WDR41: variants seen among roughly 807,000 people sequenced by gnomAD.
WDR41 encodes the protein WD repeat domain 41, also known as WD repeat-containing protein 41.
A neutral mutation model predicts 69.3 loss-of-function variants in WDR41; 63 were observed. The observed-to-expected ratio is 0.91, with a 90% CI of 0.74 to 1.12. The LOEUF is 1.12. Ranked by LOEUF, WDR41 falls within the 50% of genes most tolerant of loss-of-function variation. The pLI, the probability that WDR41 is intolerant of heterozygous loss-of-function variation, is 0.00. For missense variants in WDR41, 543 were observed against 534.5 expected (o/e 1.02, Z -0.16); for synonymous variants, 185 against 192.1 (o/e 0.96, Z 0.31).
intron 1 of WDR41, among the ~76,000 whole-genome samples, chr5:77,498,049 A>G (rs1801960447): frequency 1.3e-5 from 2 of 152,236 alleles, no homozygotes; most frequent in African/African-American, 2.4e-5. Flanking sequence ...AGGTAAATTC[A>G]TAGAGACAGA....
intron 1 of WDR41, chr5:77,582,954 G>T (rs928052282): frequency 6.2e-7 from 1 of 1,608,558 alleles, no homozygotes; most frequent in African/African-American, 1.3e-5. Flanking sequence ...TGATTCATGA[G>T]ATCTATACTG....
intron 1 of WDR41, among the ~76,000 whole-genome samples, chr5:77,516,648 T>C (rs1462517004): frequency 6.6e-6 from 1 of 152,110 alleles, no homozygotes; most frequent in Non-Finnish European, 1.5e-5. Context: ...CCCAAGACAA[T>C]AGCACCTATG....
At chr5:77,549,408 T>C (rs1743257126) in intron 1 of WDR41, among the ~76,000 whole-genome samples, 1 of 151,888 alleles carries the variant, frequency 6.6e-6, no homozygotes, top group Non-Finnish European at 1.5e-5. Context: ...TCCGGGAAAG[T>C]TTCAGGACAC....
intron 1 of WDR41, among the ~76,000 whole-genome samples, chr5:77,547,465 A>G (rs1434878813): frequency 1.3e-5 from 2 of 151,998 alleles, no homozygotes; most frequent in Non-Finnish European, 2.9e-5. Context: ...TAGCTCTTCT[A>G]TACACCAACG....
chr5:77,518,272 T>A (rs1218985062), intron 1 of WDR41, among the ~76,000 whole-genome samples: 1 of 152,160 alleles, frequency 6.6e-6, no homozygotes, highest in Non-Finnish European at 1.5e-5. Context: ...GTAGACATCT[T>A]ATGGTGTACC....
At chr5:77,442,084 C>T (rs905835244) in intron 8 of WDR41, among the ~76,000 whole-genome samples, 7 of 152,106 alleles carry the variant, frequency 4.6e-5, no homozygotes, top group Admixed American at 3.9e-4. Flanking sequence ...TCCTGTATTG[C>T]CTAATGCCCT....
At chr5:77,547,003 C>T (rs1446642114) in intron 1 of WDR41, among the ~76,000 whole-genome samples, 1 of 152,088 alleles carries the variant, frequency 6.6e-6, no homozygotes, top group African/African-American at 2.4e-5. Context: ...ATCACATAAA[C>T]AGAATTAAAA....
intron 1 of WDR41, among the ~76,000 whole-genome samples, chr5:77,535,092 T>C (rs1742949851): frequency 6.6e-6 from 1 of 152,188 alleles, no homozygotes; most frequent in Non-Finnish European, 1.5e-5. Flanking sequence ...TCATGGTTAA[T>C]TTTAGCTGGA....
At chr5:77,438,434 C>A (rs1402603930) in intron 9 of WDR41, 73 bp from the exon 10 acceptor site, 1 of 1,569,910 alleles carries the variant, frequency 6.4e-7, no homozygotes, top group Non-Finnish European at 8.7e-7. Flanking sequence ...TTCCAGCCCT[C>A]ATGTGACATC....
chr5:77,615,881 T>C (rs1744671888), intron 1 of WDR41, among the ~76,000 whole-genome samples: 2 of 151,846 alleles, frequency 1.3e-5, no homozygotes, highest in Admixed American at 1.3e-4. Context: ...TAATCCCAGA[T>C]ACTCGGGAGG....
chr5:77,452,997 A>T (rs1350474847), intron 6 of WDR41: 1 of 152,224 alleles, frequency 6.6e-6, no homozygotes, highest in Non-Finnish European at 1.5e-5. Flanking sequence ...AGATTTGAGC[A>T]AGACTATTAG....
chr5:77,470,847 C>T (rs1267928513), intron 2 of WDR41, among the ~76,000 whole-genome samples: 1 of 139,720 alleles, frequency 7.2e-6, no homozygotes, highest in Non-Finnish European at 1.5e-5. Flanking sequence ...TAACACCCTA[C>T]TGTCAACATT....
At chr5:77,602,065 T>A (rs573483019) in intron 1 of WDR41, among the ~76,000 whole-genome samples, 1 of 152,260 alleles carries the variant, frequency 6.6e-6, no homozygotes, top group East Asian at 1.9e-4. Context: ...ATTCTTTCTA[T>A]CTAACTGTAT....
At chr5:77,554,063 T>C (rs965689062) in intron 1 of WDR41, among the ~76,000 whole-genome samples, 10 of 152,228 alleles carry the variant, frequency 6.6e-5, no homozygotes, top group Non-Finnish European at 1.3e-4. Context: ...TTGTGGTATA[T>C]GCACAACATG....
intron 1 of WDR41, among the ~76,000 whole-genome samples, chr5:77,600,338 C>T (rs1167456588): frequency 6.6e-6 from 1 of 152,178 alleles, no homozygotes; most frequent in Non-Finnish European, 1.5e-5. Context: ...GTGAAAGAAG[C>T]TAAACTCACA....
intron 1 of WDR41, among the ~76,000 whole-genome samples, chr5:77,612,782 A>G (rs1744589297): frequency 6.7e-6 from 1 of 149,618 alleles, no homozygotes; most frequent in African/African-American, 2.4e-5. Context: ...TAGTGTTGGA[A>G]GTTCTGGCCA....
chr5:77,615,710 C>T (rs1220383880), intron 1 of WDR41, among the ~76,000 whole-genome samples: 2 of 106,532 alleles, frequency 1.9e-5, no homozygotes, highest in East Asian at 4.4e-4. Context: ...AAAAAAAAGG[C>T]CAGGTGTGAT....
At chr5:77,454,033 G>A (rs1561738666) in intron 5 of WDR41, 105 bp from the exon 6 acceptor site, 2 of 817,474 alleles carry the variant, frequency 2.4e-6, no homozygotes, top group South Asian at 1.6e-5. Context: ...CCTTCACTAG[G>A]TGGAGCTTAT....
chr5:77,475,191 T>C (rs982945086), intron 2 of WDR41, among the ~76,000 whole-genome samples: 6 of 152,134 alleles, frequency 3.9e-5, no homozygotes, highest in African/African-American at 1.2e-4. Flanking sequence ...CGCTAATTGC[T>C]AGCACAGCAG....
Sources: allele counts gnomAD v4.1 joint callset (sites outside exome capture counted in the v4.1 genomes callset), GRCh38; gene constraint gnomAD v4.1.1; transcripts MANE v1.5; gene names NCBI Gene and HGNC (gene_info 2026-07-23, HGNC 2026-07-21).